The following GPR89B variants were observed in gnomAD, a reference collection of about 807,000 sequenced individuals.
GPR89B encodes the protein G protein-coupled receptor 89B.
GPR89B carries 25 observed loss-of-function variants against 52.4 expected under a neutral mutation model. The ratio of observed to expected loss-of-function variants is 0.48; its 90% confidence interval spans 0.35 to 0.67. The LOEUF is 0.67. GPR89B is among the 30% of genes least tolerant of loss of function. The pLI is 0.01. For synonymous variants in GPR89B, 52 were observed against 151.2 expected (o/e 0.34, Z 4.81); for missense variants, 146 against 450.2 (o/e 0.32, Z 6.11).
chr1:147,952,218 C>T (rs1287191415), intron 5 of GPR89B, among the ~76,000 whole-genome samples: 2 of 152,082 alleles, frequency 1.3e-5, no homozygotes, highest in African/African-American at 4.8e-5. Context: ...TTTGTAATGG[C>T]TCCAAAATCA....
the GPR89B span, among the ~76,000 whole-genome samples, chr1:148,020,498 T>G: frequency 6.6e-6 from 1 of 151,466 alleles, no homozygotes; most frequent in African/African-American, 2.4e-5. Context: ...GTGGTAGAAT[T>G]CTCGCCTCCC....
downstream of GPR89B, chr1:147,995,492 T>C (rs1360903886): frequency 2.3e-5 from 32 of 1,373,184 alleles, no homozygotes; most frequent in African/African-American, 4.5e-4. Flanking sequence ...CATTTTCTAG[T>C]TTTAAAAAAA....
intron 5 of GPR89B, among the ~76,000 whole-genome samples, chr1:147,949,807 C>A (rs587609706): frequency 2.7e-5 from 4 of 145,666 alleles, no homozygotes; most frequent in Non-Finnish European, 6.0e-5. Context: ...GCTGACCCCC[C>A]GACCTCCCTC....
At chr1:147,949,511 G>C (rs1328960276) in intron 5 of GPR89B, among the ~76,000 whole-genome samples, 1 of 127,626 alleles carries the variant, frequency 7.8e-6, no homozygotes, top group Non-Finnish European at 1.6e-5. Context: ...TCACTTCCCA[G>C]TAGGGGCGGC....
the GPR89B span, chr1:148,009,685 G>T: frequency 1.6e-6 from 1 of 642,622 alleles, no homozygotes. Context: ...TGGCCCTGGA[G>T]ATGCTGCTAG....
At chr1:148,003,466 G>T in the GPR89B span, among the ~76,000 whole-genome samples, 9 of 152,124 alleles carry the variant, frequency 5.9e-5, no homozygotes, top group African/African-American at 2.2e-4. Flanking sequence ...CATGGGAGGA[G>T]TATTTACATC....
chr1:147,978,108 C>G (rs1429696240), intron 10 of GPR89B, among the ~76,000 whole-genome samples: 1 of 151,048 alleles, frequency 6.6e-6, no homozygotes, highest in East Asian at 2.0e-4. Flanking sequence ...TGTGTTGATT[C>G]TTTCTCATCA....
At chr1:147,971,603 A>G (rs1243954803) in intron 10 of GPR89B, among the ~76,000 whole-genome samples, 1 of 150,882 alleles carries the variant, frequency 6.6e-6, no homozygotes, top group Admixed American at 6.6e-5. Context: ...TAGGCTCCCA[A>G]GTAGCTGGGA....
At chr1:147,985,211 ACCC>A (rs1658578330) in intron 10 of GPR89B, among the ~76,000 whole-genome samples, 1 of 151,924 alleles carries the variant, frequency 6.6e-6, no homozygotes, top group African/African-American at 2.4e-5. Context: ...TTCTGAAATG[ACCC>A]TTTTAATACC....
chr1:148,025,036 C>G, the GPR89B span, among the ~76,000 whole-genome samples: 1 of 151,862 alleles, frequency 6.6e-6, no homozygotes, highest in Non-Finnish European at 1.5e-5. Flanking sequence ...CAGGTGTTGT[C>G]CTTAATCGAC....
chr1:147,970,599 A>G lies in GPR89B; in HGVS notation c.909+640A>G, dbSNP rs1427595853. ...TATATATAGAATGTGAACATTTCTTATTTTGCATTCTGCTTTCTGTGTTAC... is the reference window on the plus strand; with the variant it reads ...TATATATAGAATGTGAACATTTCTTGTTTTGCATTCTGCTTTCTGTGTTAC... On this transcript the variant is annotated intron_variant, in intron 10 of 13. Coordinates refer to ENST00000314163, the MANE Select transcript of GPR89B (RefSeq NM_016334.5). 1.7e-4 allele frequency among the ~76,000 whole-genome samples: 22 copies of G among 131,902 alleles called. No individual in the cohort carries two copies. In the East Asian group the frequency reaches 3.5e-3, roughly 21 times the overall value. The allele number at this position is 131,902 out of a possible 152,430, so 86.5% of individuals were successfully genotyped here.
intron 12 of GPR89B, among the ~76,000 whole-genome samples, chr1:147,989,578 C>A (rs1248564045): frequency 1.3e-5 from 2 of 152,140 alleles, no homozygotes; most frequent in South Asian, 4.2e-4. Context: ...CTGTCCCTCC[C>A]CCCTTCCCCC....
At chr1:147,996,296 ACT>A (rs1459291956), downstream of GPR89B, among the ~76,000 whole-genome samples, 44 of 149,142 alleles carry the variant, frequency 3.0e-4, no homozygotes, top group South Asian at 8.8e-3. Context: ...GTCAACTCAC[ACT>A]GTTTGGAACA....
chr1:147,989,245 C>T (rs1324095236), intron 12 of GPR89B, among the ~76,000 whole-genome samples: 1 of 151,528 alleles, frequency 6.6e-6, no homozygotes, highest in East Asian at 1.9e-4. Context: ...TCAATAAGTT[C>T]TTGGAAACAG....
chr1:148,005,492 T>G, the GPR89B span: 2 of 1,605,474 alleles, frequency 1.2e-6, no homozygotes, highest in Non-Finnish European at 1.7e-6. Context: ...ATATCAGTCA[T>G]GTATACCCCC....
At chr1:148,012,553 G>A in the GPR89B span, among the ~76,000 whole-genome samples, 1 of 131,626 alleles carries the variant, frequency 7.6e-6, no homozygotes, top group South Asian at 2.4e-4. Flanking sequence ...CTGGAGGAAA[G>A]TCGGGTTTGG....
At chr1:147,957,349 A>G (rs1288028061) in intron 7 of GPR89B, among the ~76,000 whole-genome samples, 41 of 151,832 alleles carry the variant, frequency 2.7e-4, no homozygotes, top group Non-Finnish European at 4.0e-4. Context: ...TTTGTAAAAT[A>G]GAGGTAATAA....
In GPR89B at chr1:147,992,536, A is replaced by T. The variant is rs1390864390; in HGVS notation, c.1130A>T (p.Asn377Ile). Residue 377 changes from asparagine to isoleucine, a missense_variant, in exon 13 of 14, where the codon AAT (asparagine) becomes ATT (isoleucine). Transcript: ENST00000314163. ...GCCATCTCTAGCAGTAAGTCCTCCAATGTCATTGTCCTGCTATTAGCACAG... is the reference window on the plus strand; with the variant it reads ...GCCATCTCTAGCAGTAAGTCCTCCATTGTCATTGTCCTGCTATTAGCACAG... ...FYAISSSKSSNVIVLLLAQIM... is the reference protein window; with the variant it reads ...FYAISSSKSSIVIVLLLAQIM... 1 of 1,611,602 alleles carries T rather than the reference A, an allele frequency of 6.2e-7. No individual in the cohort carries two copies. Among genetic ancestry groups the T allele is most frequent in the Non-Finnish European group, 8.5e-7 (1 of 1,179,618 alleles).
chr1:148,023,472 A>T, the GPR89B span, among the ~76,000 whole-genome samples: 4 of 141,770 alleles, frequency 2.8e-5, no homozygotes, highest in African/African-American at 1.1e-4. Flanking sequence ...TAATGAGATT[A>T]CTGGTTGAAA....
Sources: gnomAD v4.1 joint callset for allele counts (sites outside exome capture counted in the v4.1 genomes callset) on GRCh38, gnomAD v4.1.1 for gene constraint, MANE v1.5 for transcripts, NCBI Gene and HGNC (gene_info 2026-07-23, HGNC 2026-07-21) for gene names.